Variants in LRMDA observed in about 807,000 individuals in gnomAD.
The protein encoded by LRMDA is leucine rich melanocyte differentiation associated, also known as leucine-rich melanocyte differentiation-associated protein.
Under a neutral mutation model 29.8 loss-of-function variants are expected in LRMDA, and 18 were observed. The observed-to-expected ratio is 0.60, with a 90% confidence interval of 0.42 to 0.90. LRMDA has a LOEUF of 0.90. Among genes scored for constraint, LRMDA ranks in the 40% least tolerant of loss-of-function variants. The pLI is 0.00. For missense variants in LRMDA, 273 were observed against 273.9 expected, an observed-to-expected ratio of 1.00 and a Z score of 0.02; for synonymous variants, 125 against 109.4, an observed-to-expected ratio of 1.14 and a Z score of -0.89.
chr10:76,044,798 G>A (rs1848403088), intron 3 of LRMDA, among the ~76,000 whole-genome samples: 1 of 152,186 alleles, frequency 6.6e-6, no homozygotes, highest in Non-Finnish European at 1.5e-5. Flanking sequence ...AAACTTCCAT[G>A]TCTATTTCTC....
Position 75,733,667 on chromosome 10 carries a change from G to A in LRMDA, c.131+295173G>A, listed in dbSNP as rs74961832. Among the ~76,000 whole-genome samples the A allele has an allele frequency of 3.7e-3, 570 of 152,262 alleles. 3 individuals carry two copies. The highest frequency in any genetic ancestry group is 0.013 in the African/African-American group (524 of 41,540). ...ACCTTGAAGTTTGCTGCTTCTTGCC[G>A]TGCCATTGCTGGAAGGGAAAGGAAG... On this transcript the variant is annotated intron_variant, in intron 2 of 6. Transcript: ENST00000611255.
At chr10:76,253,414 T>C (rs553739102) in intron 5 of LRMDA, among the ~76,000 whole-genome samples, 4 of 152,120 alleles carry the variant, frequency 2.6e-5, no homozygotes, top group African/African-American at 9.6e-5. Flanking sequence ...CAATTTATAA[T>C]GTTTATGGTC....
chr10:76,184,102 C>T (rs532036239), intron 5 of LRMDA, among the ~76,000 whole-genome samples: 2 of 151,640 alleles, frequency 1.3e-5, no homozygotes, highest in Admixed American at 6.6e-5. Context: ...ACAATCTCAG[C>T]TCACTGCAAC....
intron 5 of LRMDA, among the ~76,000 whole-genome samples, chr10:76,309,114 G>C (rs1393265920): frequency 5.9e-5 from 9 of 152,128 alleles, no homozygotes; most frequent in Non-Finnish European, 1.3e-4. Flanking sequence ...TTCCCTTTTC[G>C]AGGCAAAGAT....
chr10:75,855,415 GT>G (rs950968772), intron 2 of LRMDA, among the ~76,000 whole-genome samples: 11 of 152,252 alleles, frequency 7.2e-5, no homozygotes, highest in South Asian at 4.1e-4. Flanking sequence ...TGATGGGGTT[GT>G]TTTTTTCTTG....
At chr10:76,543,090 C>T (rs781514405) in intron 6 of LRMDA, among the ~76,000 whole-genome samples, 8 of 152,104 alleles carry the variant, frequency 5.3e-5, no homozygotes, top group Admixed American at 1.3e-4. Flanking sequence ...CACCATAGTG[C>T]TGATTTTCCT....
Position 76,036,011 on chromosome 10 carries a change from A to G in LRMDA, c.135A>G (p.Ser45=), listed in dbSNP as rs1052919117. Residue 45 remains serine, a synonymous_variant, in exon 3 of 7, where the codon TCA becomes TCG. Coordinates refer to ENST00000611255, the MANE Select transcript of LRMDA (RefSeq NM_001305581.2). ...CCTGTTGCCTTTGTCATTGCAGGTCACTGGAAGGACTGAGCGCATTCAGGA... is the reference window on the plus strand; with the variant it reads ...CCTGTTGCCTTTGTCATTGCAGGTCGCTGGAAGGACTGAGCGCATTCAGGA... ...RLDLSFNLLR[S]LEGLSAFRSL... 6.2e-7 allele frequency: 1 copy of G among 1,613,564 alleles called. No individual in the cohort carries two copies. The highest frequency in any genetic ancestry group is 1.3e-5 in the African/African-American group (1 of 74,876).
At chr10:76,494,636 C>A (rs1842865304) in intron 6 of LRMDA, among the ~76,000 whole-genome samples, 1 of 151,310 alleles carries the variant, frequency 6.6e-6, no homozygotes, top group Non-Finnish European at 1.5e-5. Context: ...ATTATTATTT[C>A]TCTACTGCTT....
At chr10:75,473,965 A>T (rs1042979619) in intron 2 of LRMDA, among the ~76,000 whole-genome samples, 1 of 152,190 alleles carries the variant, frequency 6.6e-6, no homozygotes, top group Non-Finnish European at 1.5e-5. Context: ...GTCTGGGGTG[A>T]GGTCCAAGAG....
chr10:76,205,382 C>T (rs1017002816), intron 5 of LRMDA, among the ~76,000 whole-genome samples: 2 of 152,086 alleles, frequency 1.3e-5, no homozygotes, highest in African/African-American at 4.8e-5. Context: ...TTTGTTTGAT[C>T]CCAAGTTCAG....
intron 6 of LRMDA, among the ~76,000 whole-genome samples, chr10:76,356,506 G>A (rs961977314): frequency 7.2e-5 from 11 of 152,084 alleles, no homozygotes; most frequent in East Asian, 5.8e-4. Flanking sequence ...TGAGAAAACC[G>A]TATTTTTTTT....
chr10:75,698,142 A>G (rs1842261662), intron 2 of LRMDA, among the ~76,000 whole-genome samples: 1 of 152,230 alleles, frequency 6.6e-6, no homozygotes, highest in Non-Finnish European at 1.5e-5. Context: ...CAGAGCTGGC[A>G]GGTGAACCCT....
chr10:75,437,882 G>A (rs1365009946), intron 1 of LRMDA, among the ~76,000 whole-genome samples: 2 of 152,124 alleles, frequency 1.3e-5, no homozygotes, highest in African/African-American at 4.8e-5. Flanking sequence ...AACTGGATGG[G>A]ATTTGTGGTC....
chr10:76,338,213 A>T (rs1335333406), intron 6 of LRMDA, among the ~76,000 whole-genome samples: 1 of 152,034 alleles, frequency 6.6e-6, no homozygotes, highest in Admixed American at 6.5e-5. Flanking sequence ...CAGAACCAAG[A>T]CCCAGCAGGG....
chr10:75,812,259 C>G (rs144083155), intron 2 of LRMDA, among the ~76,000 whole-genome samples: 3 of 151,624 alleles, frequency 2.0e-5, no homozygotes, highest in African/African-American at 7.3e-5. Flanking sequence ...ATTTAATATT[C>G]TCTTTAAATA....
At chr10:76,405,495 A>G (rs568789210) in intron 6 of LRMDA, among the ~76,000 whole-genome samples, 1 of 152,316 alleles carries the variant, frequency 6.6e-6, no homozygotes, top group Admixed American at 6.5e-5. Flanking sequence ...TGTTTATACA[A>G]CAGGGTAAAG....
At chr10:75,906,819 C>A (rs185697532) in intron 2 of LRMDA, among the ~76,000 whole-genome samples, 2 of 152,248 alleles carry the variant, frequency 1.3e-5, no homozygotes, top group Non-Finnish European at 2.9e-5. Context: ...ACACAAGATG[C>A]TTTACTTCTC....
At chr10:76,218,482 A>G (rs889813580) in intron 5 of LRMDA, among the ~76,000 whole-genome samples, 3 of 152,238 alleles carry the variant, frequency 2.0e-5, no homozygotes, top group Non-Finnish European at 4.4e-5. Context: ...ATGTTAAGTA[A>G]GAAATTGTTT....
intron 2 of LRMDA, among the ~76,000 whole-genome samples, chr10:75,490,229 A>G (rs1254280727): frequency 6.6e-6 from 1 of 152,196 alleles, no homozygotes; most frequent in East Asian, 1.9e-4. Context: ...CTGAACACAT[A>G]TAATTAACTA....
Sources: allele counts gnomAD v4.1 joint callset (sites outside exome capture counted in the v4.1 genomes callset), GRCh38; gene constraint gnomAD v4.1.1; transcripts MANE v1.5; gene names NCBI Gene and HGNC (gene_info 2026-07-23, HGNC 2026-07-21).